Variants in ATAD2 observed in about 807,000 individuals in gnomAD.
ATAD2 encodes the protein ATPase family AAA domain-containing protein 2.
In ATAD2, 62 loss-of-function variants were observed where a neutral mutation model predicts 168.9. The ratio of observed to expected loss-of-function variants is 0.37; its 90% CI spans 0.30 to 0.45. The LOEUF is 0.45. Ranked by LOEUF, ATAD2 falls within the 20% of genes least tolerant of loss-of-function variation. The pLI is 1.00. For synonymous variants in ATAD2, 613 were observed against 571.6 expected, an observed-to-expected ratio of 1.07 and a Z score of -1.03; for missense variants, 1,419 against 1,667.8, an observed-to-expected ratio of 0.85 and a Z score of 2.60.
At chr8:123,389,985 T>TATATATATATATATATATATATATATA (rs1554647643) in intron 1 of ATAD2, among the ~76,000 whole-genome samples, 11 of 70,816 alleles carry the variant, frequency 1.6e-4, no homozygotes, top group South Asian at 4.7e-4. Context: ...TATATATATA[T>TATATATATATATATATATATATATATA]TTTTTTTTTT....
At chr8:123,416,148 T>G (rs1292335751) in intron 1 of ATAD2, 1 of 152,246 alleles carries the variant, frequency 6.6e-6, no homozygotes, top group Admixed American at 6.6e-5. Context: ...CATATTGGAA[T>G]TAACCTCCAC....
At chr8:123,396,592 GA>G (rs1287970482), upstream of ATAD2, 1 of 543,730 alleles carries the variant, frequency 1.8e-6, no homozygotes, top group African/African-American at 2.0e-5. Context: ...CCAACGTGGA[GA>G]GGAACACAGG....
At chr8:123,334,411 G>T in intron 22 of ATAD2, 89 bp from the exon 23 acceptor site, 1 of 1,205,550 alleles carries the variant, frequency 8.3e-7, no homozygotes, top group South Asian at 2.0e-5. Flanking sequence ...TAAGATAGTA[G>T]CTCTTACAAT....
At chr8:123,354,891 G>A (rs1250351704) in intron 13 of ATAD2, among the ~76,000 whole-genome samples, 1 of 111,352 alleles carries the variant, frequency 9.0e-6, no homozygotes, top group South Asian at 3.0e-4. Flanking sequence ...ATATATATTT[G>A]AGATGGCACA....
chr8:123,357,126 A>C lies in ATAD2; in HGVS notation c.1557+436T>G, dbSNP rs559718340. 2.6e-5 allele frequency among the ~76,000 whole-genome samples: 4 copies of C among 152,348 alleles called. No homozygotes were observed. The South Asian group carries it at 8.3e-4, about 32-fold the overall frequency. On this transcript the variant is annotated intron_variant, in intron 12 of 27. Coordinates refer to ENST00000287394, the MANE Select transcript of ATAD2 (RefSeq NM_014109.4). ...TAAAAAAGAACCTCGGGAGAGTTCCAAAAAGAGATTTAAAAGCATTTGCAG... is the reference window on the plus strand; with the variant it reads ...TAAAAAAGAACCTCGGGAGAGTTCCCAAAAGAGATTTAAAAGCATTTGCAG...
upstream of ATAD2, among the ~76,000 whole-genome samples, chr8:123,397,000 CAAG>C (rs1175943740): frequency 6.6e-6 from 1 of 150,580 alleles, no homozygotes; most frequent in East Asian, 2.0e-4. Context: ...AAAGAAAACA[CAAG>C]GAGCTAAAAG....
At chr8:123,401,726 GGCTCCCTGCTGGC>G (rs1395902621) in intron 1 of ATAD2, 25 of 747,988 alleles carry the variant, frequency 3.3e-5, no homozygotes, top group Non-Finnish European at 5.6e-5. Flanking sequence ...AGTGATGATG[GGCTCCCTGCTGGC>G]TGCCACCTCG....
chr8:123,395,129 TC>T, intron 1 of ATAD2, among the ~76,000 whole-genome samples: 2 of 152,234 alleles, frequency 1.3e-5, no homozygotes, highest in East Asian at 1.9e-4. Flanking sequence ...ATTCCCAAGT[TC>T]CCAACCTTCT....
rs568406779 is a variant in ATAD2, at chr8:123,337,965, A to G, written c.2855-144T>C. 3.8e-6 allele frequency: 3 copies of G among 788,916 alleles called. No homozygotes were observed. In the South Asian group the frequency reaches 6.3e-5, roughly 16 times the overall value. The allele number at this position is 788,916 out of a possible 1,614,324, so 48.9% of individuals were successfully genotyped here. A position where few individuals can be genotyped will look rare whatever the true frequency, so the allele number is the denominator to read the frequency against. On this transcript the variant is annotated intron_variant, in intron 20 of 27. Transcript: ENST00000287394. ...CAAAGATTTGAAATACAAAAGTATT[A>G]CCATAATCTCTAACCCTACGTCCCC...
At chr8:123,384,605 A>T (rs1457881106) in intron 1 of ATAD2, among the ~76,000 whole-genome samples, 1 of 152,214 alleles carries the variant, frequency 6.6e-6, no homozygotes, top group Non-Finnish European at 1.5e-5. Context: ...AGTATGTAAT[A>T]AGCACCCATG....
intron 6 of ATAD2, among the ~76,000 whole-genome samples, chr8:123,370,389 T>C (rs1456520658): frequency 6.6e-6 from 1 of 152,106 alleles, no homozygotes; most frequent in Non-Finnish European, 1.5e-5. Flanking sequence ...TGACAAGTTT[T>C]CAAATTTCCT....
At chr8:123,378,719 A>AAAAAAAAAT in intron 2 of ATAD2, among the ~76,000 whole-genome samples, 1 of 151,402 alleles carries the variant, frequency 6.6e-6, no homozygotes, top group African/African-American at 2.4e-5. Context: ...AAAAAAAAAA[A>AAAAAAAAAT]AAAAAATCAA....
rs916755191 is a variant in ATAD2 at position 123,380,871 on chromosome 8, A to G, written c.172-194T>C. On this transcript the variant is annotated intron_variant, in intron 1 of 27. Transcript: ENST00000287394. ...TGATAAACAAATATCAGCAATGTCT[A>G]TGAAGCAGCTAATATAAGATTTACT... The G allele has an allele frequency of 7.0e-6, 4 of 568,518 alleles. No homozygotes were observed. The African/African-American group carries it at 7.5e-5, about 11-fold the overall frequency. The allele number at this position is 568,518 out of a possible 1,614,324, so 35.2% of individuals were successfully genotyped here.
intron 26 of ATAD2, 96 bp from the exon 27 acceptor site, chr8:123,323,162 C>T (rs2131269639): frequency 3.0e-6 from 4 of 1,348,522 alleles, no homozygotes; most frequent in African/African-American, 2.9e-5. Flanking sequence ...ACAAGCCTGA[C>T]AGAGGGTAGA....
intron 2 of ATAD2, among the ~76,000 whole-genome samples, chr8:123,374,853 T>C (rs1829256245): frequency 6.6e-6 from 1 of 152,224 alleles, no homozygotes; most frequent in South Asian, 2.1e-4. Context: ...CTGCGAAGAC[T>C]ATACCTAATC....
Position 123,396,436 on chromosome 8 carries a change from G to T in ATAD2, c.-79C>A. On this transcript the variant is annotated 5_prime_UTR_variant, in exon 1 of 28. Transcript: ENST00000287394. ...GCGCTCGCAGCTCTGGCTCTTCCGC[G>T]CTCCGAATTCTGGCGCCACAAGCTC... 2.2e-6 allele frequency: 3 copies of T among 1,385,258 alleles called. No homozygotes were observed. The highest frequency in any genetic ancestry group is 1.9e-6 in the Non-Finnish European group (2 of 1,060,360). 85.8% of individuals were successfully genotyped at this position (1,385,258 alleles called of 1,614,324 possible). A position where few individuals can be genotyped will look rare whatever the true frequency, so the allele number is the denominator to read the frequency against.
At chr8:123,358,537 A>C (rs1347041085) in intron 11 of ATAD2, among the ~76,000 whole-genome samples, 1 of 151,996 alleles carries the variant, frequency 6.6e-6, no homozygotes, top group Non-Finnish European at 1.5e-5. Flanking sequence ...TAGTAAAGAC[A>C]GGGTTTCACT....
chr8:123,413,994 A>T (rs865795766), intron 1 of ATAD2, among the ~76,000 whole-genome samples: 19 of 151,504 alleles, frequency 1.3e-4, no homozygotes, highest in African/African-American at 4.6e-4. Flanking sequence ...TCCACAAGAA[A>T]ATACACAATT....
chr8:123,329,130 T>C (rs2131283119), intron 24 of ATAD2, among the ~76,000 whole-genome samples: 1 of 152,132 alleles, frequency 6.6e-6, no homozygotes, highest in South Asian at 2.1e-4. Context: ...CTTGAATACT[T>C]TTAAGGAGGG....
Sources: allele counts gnomAD v4.1 joint callset (sites outside exome capture counted in the v4.1 genomes callset), GRCh38; gene constraint gnomAD v4.1.1; transcripts MANE v1.5; gene names NCBI Gene and HGNC (gene_info 2026-07-23, HGNC 2026-07-21).